Variants in BAZ2B observed in about 807,000 individuals in gnomAD.
BAZ2B encodes the protein bromodomain adjacent to zinc finger domain protein 2B.
Under a neutral mutation model 246.0 loss-of-function variants are expected in BAZ2B, and 91 were observed. That is an observed-to-expected ratio of 0.37 (90% confidence interval 0.31 to 0.44). BAZ2B has a LOEUF of 0.44. Among genes scored for constraint, BAZ2B ranks in the 20% least tolerant of loss-of-function variants. The pLI is 1.00. For missense variants in BAZ2B, 2,332 were observed against 2,533.7 expected (o/e 0.92, Z 1.71); for synonymous variants, 855 against 860.0 (o/e 0.99, Z 0.10).
chr2:159,683,614 C>A, the BAZ2B span, among the ~76,000 whole-genome samples: 1 of 152,088 alleles, frequency 6.6e-6, no homozygotes, highest in Non-Finnish European at 1.5e-5. Context: ...ATGTCAGAAG[C>A]GTGAAATGAA....
At chr2:159,690,318 C>T in the BAZ2B span, 29 of 232,402 alleles carry the variant, frequency 1.2e-4, no homozygotes, top group Non-Finnish European at 2.2e-4. Context: ...CGCCAACTGC[C>T]GTGGTGCTGC....
intron 20 of BAZ2B, among the ~76,000 whole-genome samples, chr2:159,392,495 T>C (rs1288336427): frequency 6.6e-6 from 1 of 152,146 alleles, no homozygotes; most frequent in East Asian, 1.9e-4. Flanking sequence ...AGTATAAGCC[T>C]CTTCTAGAGG....
intron 2 of BAZ2B, among the ~76,000 whole-genome samples, chr2:159,545,488 G>GATTAAC (rs1260345495): frequency 2.0e-5 from 3 of 152,080 alleles, no homozygotes; most frequent in African/African-American, 4.8e-5. Flanking sequence ...TAACACCTAT[G>GATTAAC]AATTTCAAGT....
chr2:159,478,077 T>TACA (rs1378338499), intron 3 of BAZ2B, among the ~76,000 whole-genome samples: 1 of 152,204 alleles, frequency 6.6e-6, no homozygotes, highest in Non-Finnish European at 1.5e-5. Flanking sequence ...GTGCTGGGAT[T>TACA]ACAGGGTGAG....
downstream of BAZ2B, chr2:159,318,942 G>T (rs1368135644): frequency 1.3e-5 from 2 of 152,264 alleles, no homozygotes; most frequent in African/African-American, 4.8e-5. Context: ...TTTTAAAAAA[G>T]AATATATTTT....
In BAZ2B at chr2:159,540,662, A is replaced by C. The variant is rs2086552111; in HGVS notation, c.-3+15161T>G. Reference sequence around the variant, plus strand: ...CATGGTCTTCAGTTAGTGAAATATGAATTTGAATCTTAGTTACAACCAGTA... The same window carrying C: ...CATGGTCTTCAGTTAGTGAAATATGCATTTGAATCTTAGTTACAACCAGTA... On this transcript the variant is annotated intron_variant, in intron 2 of 36. Coordinates refer to ENST00000392783, the MANE Select transcript of BAZ2B (RefSeq NM_013450.4). Among the ~76,000 whole-genome samples, 4 of 152,218 alleles carry C rather than the reference A, an allele frequency of 2.6e-5. No individual in the cohort carries two copies. In the South Asian group the frequency reaches 6.2e-4, roughly 24 times the overall value.
downstream of BAZ2B, among the ~76,000 whole-genome samples, chr2:159,316,778 C>T (rs2062175683): frequency 6.7e-6 from 1 of 148,692 alleles, no homozygotes; most frequent in Non-Finnish European, 1.5e-5. Context: ...GAGGCTGAGG[C>T]AGGCAGATCA....
At chr2:159,685,229 G>T in the BAZ2B span, among the ~76,000 whole-genome samples, 4 of 152,120 alleles carry the variant, frequency 2.6e-5, no homozygotes, top group Admixed American at 2.6e-4. Flanking sequence ...TTGCACTGAG[G>T]TTGTAGTGTA....
chr2:159,383,585 C>G (rs779235668), intron 24 of BAZ2B, 21 bp downstream of exon 24: 1 of 1,587,476 alleles, frequency 6.3e-7, no homozygotes, highest in Non-Finnish European at 8.6e-7. Flanking sequence ...AGTACATTAA[C>G]TTTAATAAAA....
intron 31 of BAZ2B, among the ~76,000 whole-genome samples, chr2:159,342,701 T>C (rs1421821348): frequency 6.6e-6 from 1 of 151,996 alleles, no homozygotes; most frequent in Non-Finnish European, 1.5e-5. Flanking sequence ...AATCCAATTC[T>C]AGGAGTAAAT....
At chr2:159,431,229 G>C in intron 9 of BAZ2B, 73 bp from the exon 10 acceptor site, 1 of 1,504,708 alleles carries the variant, frequency 6.6e-7, no homozygotes. Flanking sequence ...TATCTAAATG[G>C]ACTAGCTCAG....
the BAZ2B span, among the ~76,000 whole-genome samples, chr2:159,631,725 C>T: frequency 2.7e-4 from 41 of 152,188 alleles, 1 homozygote; most frequent in Admixed American, 1.0e-3. Flanking sequence ...ACTAAAAAAA[C>T]CTTTTTGTTC....
chr2:159,389,718 T>C (rs892990629), intron 20 of BAZ2B, among the ~76,000 whole-genome samples: 1 of 152,294 alleles, frequency 6.6e-6, no homozygotes, highest in South Asian at 2.1e-4. Flanking sequence ...AAAATACTTA[T>C]TAATACAAGC....
At chr2:159,531,464 T>C (rs1189309508) in intron 2 of BAZ2B, among the ~76,000 whole-genome samples, 2 of 152,142 alleles carry the variant, frequency 1.3e-5, no homozygotes, top group Non-Finnish European at 2.9e-5. Flanking sequence ...TAAAATATAT[T>C]TATGTTTCTT....
chr2:159,357,208 C>T (rs992746204), intron 27 of BAZ2B, among the ~76,000 whole-genome samples: 24 of 151,714 alleles, frequency 1.6e-4, no homozygotes, highest in Non-Finnish European at 3.1e-4. Context: ...TAACCCAATG[C>T]GATGAAGCTA....
chr2:159,645,648 G>GC, the BAZ2B span, among the ~76,000 whole-genome samples: 2 of 151,972 alleles, frequency 1.3e-5, no homozygotes, highest in South Asian at 4.2e-4. Context: ...CGGGAAATCT[G>GC]CCCCCGATAG....
rs773777521 is a variant in BAZ2B, at chr2:159,439,109, T to C, written c.800A>G (p.Asp267Gly). 2.5e-6 allele frequency: 4 copies of C among 1,613,968 alleles called. No individual in the cohort carries two copies. The South Asian group carries it at 4.4e-5, about 18-fold the overall frequency. ...SEGISSSDSD[D>G]LEEDEEEEDQ... ...TTCTTCTTCTTCATCTTCTTCTAGATCATCTGAATCACTGCTACTAATGCC... is the reference window on the plus strand; with the variant it reads ...TTCTTCTTCTTCATCTTCTTCTAGACCATCTGAATCACTGCTACTAATGCC... The change falls in exon 7 of 37, where the codon GAT (aspartate) becomes GGT (glycine). Residue 267 changes from aspartate to glycine, a missense_variant. Physicochemically the swap from Asp to Gly is moderately conservative, Grantham distance 94. Around this residue, in one of 9 missense-constraint regions of BAZ2B, gnomAD observed 161 missense variants for 225.8 expected, o/e 0.71. Coordinates refer to ENST00000392783, the MANE Select transcript of BAZ2B (RefSeq NM_013450.4).
intron 3 of BAZ2B, among the ~76,000 whole-genome samples, chr2:159,457,049 G>A (rs2075863086): frequency 6.6e-6 from 1 of 152,062 alleles, no homozygotes; most frequent in South Asian, 2.1e-4. Flanking sequence ...TTTTAATACT[G>A]TTTTTCTTCC....
At chr2:159,598,191 A>G (rs1042457765) in intron 1 of BAZ2B, among the ~76,000 whole-genome samples, 3 of 151,880 alleles carry the variant, frequency 2.0e-5, no homozygotes, top group Non-Finnish European at 2.9e-5. Flanking sequence ...ACAGGGTTTC[A>G]CCATATTGGC....
Sources: allele counts gnomAD v4.1 joint callset (sites outside exome capture counted in the v4.1 genomes callset), GRCh38; gene constraint gnomAD v4.1.1; regional missense constraint gnomAD v4.1.1; transcripts MANE v1.5; gene names NCBI Gene and HGNC (gene_info 2026-07-23, HGNC 2026-07-21).